Variants in TSPEAR observed in about 807,000 individuals in gnomAD.
The protein encoded by TSPEAR is thrombospondin-type laminin G domain and EAR repeat-containing protein.
A neutral mutation model predicts 71.6 loss-of-function variants in TSPEAR; 69 were observed. That is an observed-to-expected ratio of 0.96 (90% CI 0.79 to 1.18). The LOEUF is 1.18. Ranked by LOEUF, TSPEAR falls within the 50% of genes most tolerant of loss-of-function variation. The pLI is 0.00. For missense variants in TSPEAR, 971 were observed against 894.9 expected, an observed-to-expected ratio of 1.09 and a Z score of -1.09; for synonymous variants, 402 against 387.2, an observed-to-expected ratio of 1.04 and a Z score of -0.45.
intron 5 of TSPEAR, among the ~76,000 whole-genome samples, chr21:44,528,975 C>T (rs879969946): frequency 1.3e-4 from 20 of 152,316 alleles, no homozygotes; most frequent in Admixed American, 1.1e-3. Flanking sequence ...GAACCTGTGG[C>T]GGTTTGATCT....
At position 44,623,991 on chromosome 21, in the gene TSPEAR, T is replaced by TTTTAC. The variant is rs1982613378; in HGVS notation, c.83-55991_83-55987dup. 1.3e-5 allele frequency among the ~76,000 whole-genome samples: 2 copies of TTTTAC among 152,184 alleles called. No individual in the cohort carries two copies. Among genetic ancestry groups the TTTTAC allele is most frequent in the Admixed American group, 1.3e-4 (2 of 15,284 alleles). On this transcript the variant is annotated intron_variant, in intron 1 of 11. Transcript: ENST00000323084. The surrounding 1 kb of genome is among the most constrained non-coding windows in gnomAD (Gnocchi z 4.5). ...TTCTTGTCTATTAAACCTTCAAATA[T>TTTTAC]TTTACTACCCTTATTTTACTCATCT...
chr21:44,514,131 G>A (rs1251791685), intron 9 of TSPEAR, among the ~76,000 whole-genome samples: 20 of 152,168 alleles, frequency 1.3e-4, no homozygotes, highest in African/African-American at 4.6e-4. Flanking sequence ...CTCCCGCCCA[G>A]GCTCTGCCCA....
At position 44,711,186 on chromosome 21, in the gene TSPEAR, T is replaced by TC. The variant is rs1312600343; in HGVS notation, c.82+246dup. 4.6e-5 allele frequency among the ~76,000 whole-genome samples: 7 copies of TC among 152,116 alleles called. No homozygotes were observed. Among genetic ancestry groups the TC allele is most frequent in the African/African-American group, 1.7e-4 (7 of 41,420 alleles). On this transcript the variant is annotated intron_variant, in intron 1 of 11. Coordinates refer to ENST00000323084, the MANE Select transcript of TSPEAR (RefSeq NM_144991.3). This position sits in a 1 kb window ranked among gnomAD's most constrained non-coding sequence, Gnocchi z 4.5. ...GCTGCTGGTTAGCTCTTGAAGCTCG[T>TC]CCCCACCCTGCGTGCGTTCTAAAGA... is the stretch of plus-strand genomic sequence containing the variant.
At chr21:44,671,203 G>A (rs1044366585) in intron 1 of TSPEAR, among the ~76,000 whole-genome samples, 4 of 152,210 alleles carry the variant, frequency 2.6e-5, no homozygotes, top group Non-Finnish European at 4.4e-5. Context: ...TTGGGGACTG[G>A]CTTGCCCAGC....
chr21:44,706,468 C>T (rs1987930333), intron 1 of TSPEAR, among the ~76,000 whole-genome samples: 1 of 73,358 alleles, frequency 1.4e-5, no homozygotes, highest in African/African-American at 5.4e-5. Flanking sequence ...CCCACGTGCA[C>T]ACACCCACGC....
At chr21:44,543,052 C>A (rs1482565216) in intron 2 of TSPEAR, among the ~76,000 whole-genome samples, 4 of 151,382 alleles carry the variant, frequency 2.6e-5, no homozygotes, top group African/African-American at 7.3e-5. Flanking sequence ...GAAGAAGATT[C>A]CCCCAAATGA....
At chr21:44,516,616 G>C (rs17004657) in intron 9 of TSPEAR, 1 of 152,242 alleles carries the variant, frequency 6.6e-6, no homozygotes, top group East Asian at 1.9e-4. Flanking sequence ...GATCAGCTTC[G>C]TGTGGTCCTG....
chr21:44,635,846 T>C (rs1983530573), intron 1 of TSPEAR, among the ~76,000 whole-genome samples: 1 of 152,126 alleles, frequency 6.6e-6, no homozygotes, highest in Non-Finnish European at 1.5e-5. Flanking sequence ...CTGCCAAGGG[T>C]TTCTAAGAAT....
intron 1 of TSPEAR, chr21:44,628,133 A>C (rs1295337351): frequency 6.6e-7 from 1 of 1,504,570 alleles, no homozygotes; most frequent in Non-Finnish European, 9.0e-7. Flanking sequence ...CAGCCTCAGC[A>C]CAGCTCAACA....
At position 44,638,044 on chromosome 21, in the gene TSPEAR, C is replaced by T. The variant is rs138286608; in HGVS notation, c.83-70039G>A. On this transcript the variant is annotated intron_variant, in intron 1 of 11. Coordinates refer to ENST00000323084, the MANE Select transcript of TSPEAR (RefSeq NM_144991.3). Reference sequence around the variant, plus strand: ...CCTGCTGCGTGCCCGTCCCCTCCTGCGGTGCCTCTGCCTCCTCCTGCCAGC... The same window carrying T: ...CCTGCTGCGTGCCCGTCCCCTCCTGTGGTGCCTCTGCCTCCTCCTGCCAGC... The T allele has an allele frequency of 8.0e-4, 1,294 of 1,611,620 alleles. 3 individuals carry two copies. The highest frequency in any genetic ancestry group is 2.4e-3 in the African/African-American group (177 of 74,564).
At chr21:44,601,219 T>C (rs1555928660) in intron 1 of TSPEAR, 1 of 1,604,598 alleles carries the variant, frequency 6.2e-7, no homozygotes, top group Non-Finnish European at 8.5e-7. Context: ...CCAATCAGGC[T>C]GCATCAGCTC....
chr21:44,530,291 A>G (rs1001479338), intron 4 of TSPEAR, among the ~76,000 whole-genome samples: 2 of 151,688 alleles, frequency 1.3e-5, no homozygotes, highest in African/African-American at 4.8e-5. Context: ...CATCAGTCCA[A>G]TCCATTCATC....
At chr21:44,674,754 G>A (rs941256847) in intron 1 of TSPEAR, among the ~76,000 whole-genome samples, 20 of 145,566 alleles carry the variant, frequency 1.4e-4, no homozygotes, top group African/African-American at 3.6e-4. Flanking sequence ...GTGTGTGTGT[G>A]TGTGTGTGTG....
intron 1 of TSPEAR, chr21:44,580,312 G>T: frequency 6.2e-7 from 1 of 1,613,780 alleles, no homozygotes; most frequent in Non-Finnish European, 8.5e-7. Context: ...AGACGGGCAC[G>T]CAGCAGGCCT....
Position 44,612,529 on chromosome 21 carries a change from C to G in TSPEAR, c.83-44524G>C. On this transcript the variant is annotated intron_variant, in intron 1 of 11. Coordinates refer to ENST00000323084, the MANE Select transcript of TSPEAR (RefSeq NM_144991.3). This position sits in a 1 kb window ranked among gnomAD's most constrained non-coding sequence, Gnocchi z 4.1. ...TGTCCATCTGCTCTGGAGCTTCCTCCCCATGCTGCCAGCAGTCTAGCTGCC... is the reference window on the plus strand; with the variant it reads ...TGTCCATCTGCTCTGGAGCTTCCTCGCCATGCTGCCAGCAGTCTAGCTGCC... The G allele has an allele frequency of 6.2e-7, 1 of 1,609,270 alleles. No homozygotes were observed. The highest frequency in any genetic ancestry group is 8.5e-7 in the Non-Finnish European group (1 of 1,176,958).
intron 1 of TSPEAR, chr21:44,676,085 G>A (rs1555946849): frequency 8.0e-6 from 7 of 872,488 alleles, no homozygotes; most frequent in African/African-American, 3.3e-5. Context: ...TAATTTAAAC[G>A]TGTTTATATC....
intron 1 of TSPEAR, among the ~76,000 whole-genome samples, chr21:44,706,547 C>T (rs1290846885): frequency 1.1e-4 from 16 of 152,190 alleles, no homozygotes; most frequent in African/African-American, 3.9e-4. Context: ...TCCCCGGCTC[C>T]GACCCACACG....
At chr21:44,552,323 G>C (rs191232330) in intron 2 of TSPEAR, among the ~76,000 whole-genome samples, 1 of 152,300 alleles carries the variant, frequency 6.6e-6, no homozygotes, top group East Asian at 1.9e-4. Flanking sequence ...CCCGGGGCAG[G>C]GACCGTCACA....
intron 1 of TSPEAR, among the ~76,000 whole-genome samples, chr21:44,602,612 G>T (rs452002): frequency 9.2e-5 from 14 of 152,188 alleles, no homozygotes; most frequent in Admixed American, 9.2e-4. Context: ...GTACCATGTG[G>T]TTTAGGCCGA....
Sources: allele counts gnomAD v4.1 joint callset (sites outside exome capture counted in the v4.1 genomes callset), GRCh38; gene constraint gnomAD v4.1.1; non-coding constraint Gnocchi (gnomAD v3.1); transcripts MANE v1.5; gene names NCBI Gene and HGNC (gene_info 2026-07-23, HGNC 2026-07-21).